Variants in AADAT observed in about 807,000 individuals in gnomAD.
AADAT encodes kynurenine/alpha-aminoadipate aminotransferase, mitochondrial.
AADAT carries 25 observed loss-of-function variants against 56.2 expected under a neutral mutation model. The observed-to-expected ratio is 0.44, with a 90% CI of 0.32 to 0.62. The LOEUF (loss-of-function observed/expected upper bound fraction) is 0.62. Among genes scored for constraint, AADAT ranks in the 20% least tolerant of loss-of-function variants. AADAT has a pLI of 0.04. For missense variants in AADAT, 387 were observed against 510.5 expected (o/e 0.76, Z 2.33); for synonymous variants, 173 against 164.7 (o/e 1.05, Z -0.39).
chr4:170,068,187 G>A lies in AADAT; in HGVS notation c.900+404C>T, dbSNP rs554943749. Among the ~76,000 whole-genome samples the A allele has an allele frequency of 6.0e-5, 9 of 150,142 alleles. No individual in the cohort carries two copies. In the East Asian group the frequency reaches 1.8e-3, roughly 29 times the overall value. On this transcript the variant is annotated intron_variant, in intron 8 of 12. Coordinates refer to ENST00000337664, the MANE Select transcript of AADAT (RefSeq NM_016228.4). ...AAAATGTTATAAATTGATAGTGAAC[G>A]TCTGTTGATAACAGATACAAAAAAT...
chr4:170,093,462 C>A (rs980696173), upstream of AADAT, among the ~76,000 whole-genome samples: 1 of 152,060 alleles, frequency 6.6e-6, no homozygotes, highest in Non-Finnish European at 1.5e-5. Context: ...AAATTTCTTC[C>A]ATTTGGTAGT....
intron 11 of AADAT, among the ~76,000 whole-genome samples, chr4:170,062,239 G>A (rs1480152743): frequency 2.0e-5 from 3 of 152,088 alleles, no homozygotes; most frequent in Non-Finnish European, 2.9e-5. Context: ...AAAACATCAG[G>A]AATACACGAA....
At chr4:170,092,832 A>G (rs943649758), upstream of AADAT, among the ~76,000 whole-genome samples, 9 of 152,248 alleles carry the variant, frequency 5.9e-5, no homozygotes, top group African/African-American at 1.9e-4. Context: ...AGTAACATGC[A>G]TTTAAGCAAA....
chr4:170,068,923 G>A (rs1339517406), intron 7 of AADAT, among the ~76,000 whole-genome samples: 1 of 152,126 alleles, frequency 6.6e-6, no homozygotes, highest in Non-Finnish European at 1.5e-5. Context: ...TCAAAAACCT[G>A]ACTGGTCCGA....
In AADAT at chr4:170,087,144, G is replaced by A. The variant is rs774717219; in HGVS notation, c.341C>T (p.Thr114Ile). The change falls in exon 3 of 13, where the codon ACA becomes ATA. Residue 114 changes from threonine to isoleucine, a missense_variant. Coordinates refer to ENST00000337664, the MANE Select transcript of AADAT (RefSeq NM_016228.4). Reference protein sequence around the residue: ...PSQGQMDLCVTSGSQQGLCKV... With the variant: ...PSQGQMDLCVISGSQQGLCKV... ...ACAAAGACCTTGTTGGCTGCCAGAT[G>A]TGACACATAGATCCATTTGTCCTTG... 6.2e-7 allele frequency: 1 copy of A among 1,614,078 alleles called. No individual in the cohort carries two copies. The highest frequency in any genetic ancestry group is 8.5e-7 in the Non-Finnish European group (1 of 1,180,004).
At chr4:170,092,594 C>T (rs1443710717), upstream of AADAT, among the ~76,000 whole-genome samples, 1 of 152,186 alleles carries the variant, frequency 6.6e-6, no homozygotes, top group Non-Finnish European at 1.5e-5. Flanking sequence ...ATCTAGTAAA[C>T]CTGTTAGAAA....
In AADAT at chr4:170,068,592, T is replaced by C. The variant is rs1293166075; in HGVS notation, c.899A>G (p.Gln300Arg). 6.3e-6 allele frequency: 10 copies of C among 1,588,942 alleles called. No individual in the cohort carries two copies. Among genetic ancestry groups the C allele is most frequent in the Non-Finnish European group, 7.7e-6 (9 of 1,172,062 alleles). Residue 300 changes from glutamine (Q) to arginine (R), a missense_variant and splice_region_variant, in exon 8 of 13, where the codon CAG becomes CGG. Gln to Arg is a conservative substitution (Grantham distance 43). Transcript: ENST00000337664. Reference protein sequence around the residue: ...VSTLHPSTFNQLMISQLLHEW... With the variant: ...VSTLHPSTFNRLMISQLLHEW... ...ATCGATTTCCTAAATTGTCCTTACC[T>C]GGTTAAAAGTGCTGGGGTGCAATGT...
Position 170,069,231 on chromosome 4 carries a change from C to T in AADAT, c.721-1G>A. 1 of 1,612,926 alleles carries T rather than the reference C, an allele frequency of 6.2e-7. No individual in the cohort carries two copies. The highest frequency in any genetic ancestry group is 1.1e-5 in the South Asian group (1 of 90,922). ...TGGAAAGAAATGTTGGTACCCTGAACTTAAAATGAAAAATAAAAAATACTG... is the reference window on the plus strand; with the variant it reads ...TGGAAAGAAATGTTGGTACCCTGAATTTAAAATGAAAAATAAAAAATACTG... On this transcript the variant is annotated splice_acceptor_variant, in intron 6 of 12. Coordinates refer to ENST00000337664, the MANE Select transcript of AADAT (RefSeq NM_016228.4). LOFTEE classifies it high-confidence loss of function.
intron 4 of AADAT, among the ~76,000 whole-genome samples, chr4:170,077,016 T>C (rs2111185185): frequency 6.6e-6 from 1 of 152,290 alleles, no homozygotes; most frequent in East Asian, 1.9e-4. Context: ...TCAACTGGAT[T>C]TGTGGGTTTA....
At chr4:170,069,271 C>A in intron 6 of AADAT, 41 bp from the exon 7 acceptor site, 2 of 1,487,276 alleles carry the variant, frequency 1.3e-6, no homozygotes, top group Middle Eastern at 1.7e-4. Flanking sequence ...TCTGAAAGCT[C>A]TGTTAGTCAC....
Position 170,064,728 on chromosome 4 carries a change from A to G in AADAT, c.1125T>C (p.Val375=), listed in dbSNP as rs1335849075. 1 of 1,605,308 alleles carries G rather than the reference A, an allele frequency of 6.2e-7. No individual in the cohort carries two copies. The highest frequency in any genetic ancestry group is 8.5e-7 in the Non-Finnish European group (1 of 1,177,968). ...CACCTCCCAGTTTTACCCCCATCTT[A>G]ACGGCCTTTTCTTCAATCAGTTCTT... ...DVKELIEEKA[V]KMGVLMLPGN... Residue 375 remains valine (V), a synonymous_variant, in exon 11 of 13, where the codon GTT becomes GTC. Coordinates refer to ENST00000337664, the MANE Select transcript of AADAT (RefSeq NM_016228.4).
chr4:170,062,719 T>C (rs1731254614), intron 11 of AADAT, among the ~76,000 whole-genome samples: 1 of 152,166 alleles, frequency 6.6e-6, no homozygotes, highest in African/African-American at 2.4e-5. Context: ...GAGCGAATCC[T>C]AATCAATGGA....
intron 7 of AADAT, 74 bp downstream of exon 7, chr4:170,069,074 T>C: frequency 1.5e-6 from 2 of 1,310,140 alleles, no homozygotes; most frequent in South Asian, 1.4e-5. Flanking sequence ...AAAAATTGTC[T>C]AGACTAAAAG....
intron 3 of AADAT, among the ~76,000 whole-genome samples, chr4:170,086,775 T>C (rs1732584330): frequency 6.6e-6 from 1 of 152,146 alleles, no homozygotes; most frequent in Non-Finnish European, 1.5e-5. Context: ...TAAGAAAGAT[T>C]AGGCTAGTGA....
At chr4:170,090,234 CG>C (rs1732770079), upstream of AADAT, 1 of 152,196 alleles carries the variant, frequency 6.6e-6, no homozygotes, top group Non-Finnish European at 1.5e-5. Flanking sequence ...CCGAGGGGAC[CG>C]GAAGTGCCCG....
intron 3 of AADAT, among the ~76,000 whole-genome samples, chr4:170,086,180 A>T (rs1009199536): frequency 1.3e-4 from 19 of 151,800 alleles, no homozygotes; most frequent in Admixed American, 1.0e-3. Flanking sequence ...AGGGAGGTCG[A>T]GACTGCAGGG....
At chr4:170,076,285 A>G (rs979388974) in intron 4 of AADAT, among the ~76,000 whole-genome samples, 1 of 152,112 alleles carries the variant, frequency 6.6e-6, no homozygotes, top group African/African-American at 2.4e-5. Context: ...TGTGTGAGGT[A>G]GTATCTCACA....
intron 1 of AADAT, 42 bp downstream of exon 1, chr4:170,089,582 A>T: frequency 6.2e-7 from 1 of 1,611,640 alleles, no homozygotes; most frequent in Non-Finnish European, 8.5e-7. Context: ...CTGTGCGAGG[A>T]ATGCCCCACC....
intron 11 of AADAT, among the ~76,000 whole-genome samples, chr4:170,064,461 G>A (rs1731348788): frequency 6.6e-6 from 1 of 152,182 alleles, no homozygotes; most frequent in South Asian, 2.1e-4. Context: ...TGTGGCTCCG[G>A]AGACTACCCT....
Sources: allele counts gnomAD v4.1 joint callset (sites outside exome capture counted in the v4.1 genomes callset), GRCh38; gene constraint gnomAD v4.1.1; transcripts MANE v1.5; gene names NCBI Gene and HGNC (gene_info 2026-07-23, HGNC 2026-07-21).